The following DAB2IP variants were observed in gnomAD, a reference collection of about 807,000 sequenced individuals.
The protein encoded by DAB2IP is DAB2 interacting protein.
A neutral mutation model predicts 107.2 loss-of-function variants in DAB2IP; 28 were observed. The ratio of observed to expected loss-of-function variants is 0.26; its 90% CI spans 0.19 to 0.36. The LOEUF (loss-of-function observed/expected upper bound fraction) is 0.36. Ranked by LOEUF, DAB2IP falls within the 10% of genes least tolerant of loss-of-function variation. The probability of loss-of-function intolerance (pLI) is 1.00; values close to 1 mark genes in which losing one functional copy is unlikely to be tolerated. For missense variants in DAB2IP, 1,400 were observed against 1,644.7 expected (o/e 0.85, Z 2.57); for synonymous variants, 755 against 706.4 (o/e 1.07, Z -1.09).
chr9:121,612,234 C>A (rs1032182084), intron 1 of DAB2IP, among the ~76,000 whole-genome samples: 1 of 151,946 alleles, frequency 6.6e-6, no homozygotes, highest in African/African-American at 2.4e-5. Context: ...GGGAGGATCG[C>A]TTAAGTCCGG....
At chr9:121,746,653 G>A (rs986973938) in intron 3 of DAB2IP, among the ~76,000 whole-genome samples, 11 of 152,186 alleles carry the variant, frequency 7.2e-5, no homozygotes, top group South Asian at 6.2e-4. Flanking sequence ...CTCTGCCCCC[G>A]CATTCTAGGG....
chr9:121,700,265 C>T (rs1402690059), intron 3 of DAB2IP, among the ~76,000 whole-genome samples: 3 of 152,170 alleles, frequency 2.0e-5, no homozygotes, highest in Admixed American at 2.0e-4. Flanking sequence ...TGCCGGGAGA[C>T]GCTGGCCAGG....
chr9:121,614,519 T>G (rs1391767818), intron 1 of DAB2IP, among the ~76,000 whole-genome samples: 1 of 151,586 alleles, frequency 6.6e-6, no homozygotes, highest in African/African-American at 2.4e-5. Flanking sequence ...TTTTGTATTT[T>G]CAGTAGAGAC....
intron 1 of DAB2IP, among the ~76,000 whole-genome samples, chr9:121,579,274 T>C (rs1325406705): frequency 1.3e-5 from 2 of 152,094 alleles, no homozygotes; most frequent in Non-Finnish European, 2.9e-5. Flanking sequence ...CAGTTGATCT[T>C]GGCTGTAGTT....
intron 3 of DAB2IP, among the ~76,000 whole-genome samples, chr9:121,747,413 T>C (rs1419738852): frequency 6.6e-6 from 1 of 151,022 alleles, no homozygotes; most frequent in Non-Finnish European, 1.5e-5. Context: ...AGTGGCACTA[T>C]CTTGGCTCAC....
At chr9:121,631,517 G>A (rs1193201654) in intron 1 of DAB2IP, among the ~76,000 whole-genome samples, 1 of 152,062 alleles carries the variant, frequency 6.6e-6, no homozygotes, top group African/African-American at 2.4e-5. Context: ...AGTCCTGAAT[G>A]CAAGGCAAAG....
At chr9:121,709,504 C>T (rs1830229766) in intron 3 of DAB2IP, among the ~76,000 whole-genome samples, 1 of 152,184 alleles carries the variant, frequency 6.6e-6, no homozygotes, top group Non-Finnish European at 1.5e-5. Context: ...CCCCATTTTA[C>T]AGAGAAGAAA....
intron 1 of DAB2IP, among the ~76,000 whole-genome samples, chr9:121,597,407 A>G (rs1830553508): frequency 6.6e-6 from 1 of 152,134 alleles, no homozygotes; most frequent in South Asian, 2.1e-4. Flanking sequence ...TCTCTGCTAC[A>G]TATCAAGTTT....
Position 121,699,553 on chromosome 9 carries a change from G to A in DAB2IP, c.362+95G>A. 1 of 1,096,908 alleles carries A rather than the reference G, an allele frequency of 9.1e-7. No individual in the cohort carries two copies. The highest frequency in any genetic ancestry group is 1.1e-6 in the Non-Finnish European group (1 of 890,758). 67.9% of individuals were successfully genotyped at this position (1,096,908 alleles called of 1,614,324 possible). ...AAAGCGCGAGCCCGGCCCGGGGCGAGCCACACGGCGGTGGGGGGACCCCAC... is the reference window on the plus strand; with the variant it reads ...AAAGCGCGAGCCCGGCCCGGGGCGAACCACACGGCGGTGGGGGGACCCCAC... On this transcript the variant is annotated intron_variant, in intron 3 of 15. Transcript: ENST00000408936. The surrounding 1 kb of genome is among the most constrained non-coding windows in gnomAD (Gnocchi z 6.2).
chr9:121,742,799 C>G, intron 3 of DAB2IP: 4 of 985,538 alleles, frequency 4.1e-6, no homozygotes, highest in Non-Finnish European at 4.8e-6. Flanking sequence ...CCTCTTCTTT[C>G]GTGTTGTGTC....
upstream of DAB2IP, among the ~76,000 whole-genome samples, chr9:121,648,965 C>T (rs907682331): frequency 6.6e-6 from 1 of 152,152 alleles, no homozygotes; most frequent in Non-Finnish European, 1.5e-5. Context: ...GATGGGGGGC[C>T]AGTTTCCCAG....
chr9:121,784,559 ACT>A lies in DAB2IP; in HGVS notation c.*2064_*2065del, dbSNP rs1491514620. ...GTGCAAAAACTGTAAAAGTGTACAG[ACT>A]CTTCACAGATTTTTATCTTAATTGC... is the stretch of plus-strand genomic sequence containing the variant. On this transcript the variant is annotated 3_prime_UTR_variant, in exon 16 of 16. Transcript: ENST00000408936. 3.7e-3 allele frequency: 576 copies of A among 154,494 alleles called. 1 individual carries two copies. The highest frequency in any genetic ancestry group is 5.5e-3 in the Non-Finnish European group (373 of 68,132). The allele number at this position is 154,494 out of a possible 1,614,324, so 9.6% of individuals were successfully genotyped here.
exon 4 of DAB2IP, chr9:121,757,057 C>G: frequency 1.2e-6 from 2 of 1,614,202 alleles, no homozygotes; most frequent in Non-Finnish European, 1.7e-6. Context: ...TCCCACGAGT[C>G]CCTGCTCAGC....
chr9:121,779,135 A>G lies in DAB2IP; in HGVS notation c.3315-2329A>G, dbSNP rs144884034. On this transcript the variant is annotated intron_variant, in intron 14 of 15. Transcript: ENST00000408936. ...TATGACTATGTCTTCAAGTTTGCTA[A>G]TTATTTCTTCTTCTGTGTGTAACCT... is the stretch of plus-strand genomic sequence containing the variant. 9.2e-5 allele frequency among the ~76,000 whole-genome samples: 14 copies of G among 152,058 alleles called. No homozygotes were observed. In the East Asian group the frequency reaches 1.5e-3, roughly 17 times the overall value.
intron 1 of DAB2IP, among the ~76,000 whole-genome samples, chr9:121,571,539 G>A (rs766781854): frequency 2.6e-5 from 4 of 152,104 alleles, no homozygotes; most frequent in Non-Finnish European, 5.9e-5. Context: ...CATTGATGGG[G>A]ATGGGGAAGG....
At chr9:121,679,995 C>T (rs1268097305) in intron 2 of DAB2IP, among the ~76,000 whole-genome samples, 2 of 152,216 alleles carry the variant, frequency 1.3e-5, no homozygotes, top group African/African-American at 2.4e-5. Context: ...CCTGACCACA[C>T]CACCTCAAGG....
In DAB2IP at chr9:121,774,864, G is replaced by T. The variant is rs367919902; in HGVS notation, c.3120+452G>T. ...GAGCCACCCCAGCCTGGCCCCCAAG[G>T]CTTGTGCCTGCCCACGGCCTGGCTC... On this transcript the variant is annotated intron_variant, in intron 13 of 15. Transcript: ENST00000408936. 4.0e-4 allele frequency among the ~76,000 whole-genome samples: 61 copies of T among 152,276 alleles called. 2 individuals are homozygous for T. In the East Asian group the frequency reaches 8.9e-3, roughly 22 times the overall value.
intron 1 of DAB2IP, among the ~76,000 whole-genome samples, chr9:121,646,488 C>T (rs1832540836): frequency 7.1e-6 from 1 of 140,058 alleles, no homozygotes; most frequent in Non-Finnish European, 1.6e-5. Context: ...AGTGTCCCGC[C>T]ACCCCCCCCA....
intron 10 of DAB2IP, among the ~76,000 whole-genome samples, 178 bp downstream of exon 10, chr9:121,768,811 G>A (rs1834484656): frequency 6.6e-6 from 1 of 152,220 alleles, no homozygotes; most frequent in Non-Finnish European, 1.5e-5. Context: ...CAAATGCTAT[G>A]TTCACTCAGC....
Sources: gnomAD v4.1 joint callset for allele counts (sites outside exome capture counted in the v4.1 genomes callset) on GRCh38, gnomAD v4.1.1 for gene constraint, Gnocchi (gnomAD v3.1) non-coding constraint, MANE v1.5 for transcripts, NCBI Gene and HGNC (gene_info 2026-07-23, HGNC 2026-07-21) for gene names.